Variants in RAMP1 observed in about 807,000 individuals in gnomAD.
RAMP1 encodes receptor activity modifying protein 1, also known as receptor activity-modifying protein 1.
In RAMP1, 7 loss-of-function variants were observed where a neutral mutation model predicts 8.2. That is an observed-to-expected ratio of 0.85 (90% CI 0.49 to 1.60). The LOEUF is 1.60. Among genes scored for constraint, RAMP1 ranks in the 40% most tolerant of loss-of-function variants. The pLI is 0.00. For synonymous variants in RAMP1, 92 were observed against 84.7 expected, an observed-to-expected ratio of 1.09 and a Z score of -0.47; for missense variants, 192 against 202.4, an observed-to-expected ratio of 0.95 and a Z score of 0.31.
chr2:237,873,648 C>T (rs2062269578), intron 1 of RAMP1, among the ~76,000 whole-genome samples: 1 of 152,218 alleles, frequency 6.6e-6, no homozygotes, highest in African/African-American at 2.4e-5. Context: ...GTCTACCCAG[C>T]AACCTCTGCA....
At chr2:237,884,891 C>T (rs1232881382) in intron 2 of RAMP1, among the ~76,000 whole-genome samples, 11 of 152,254 alleles carry the variant, frequency 7.2e-5, no homozygotes, top group Admixed American at 7.2e-4. Context: ...GCCCAAGGAG[C>T]TGCTCAGAGG....
intron 1 of RAMP1, chr2:237,874,831 G>T (rs897973242): frequency 2.0e-6 from 1 of 508,756 alleles, no homozygotes; most frequent in African/African-American, 2.1e-5. Flanking sequence ...AAAAGAAAGA[G>T]ACCCTCCACC....
At chr2:237,890,294 T>G (rs1468737528) in intron 2 of RAMP1, among the ~76,000 whole-genome samples, 1 of 151,884 alleles carries the variant, frequency 6.6e-6, no homozygotes, top group East Asian at 1.9e-4. Context: ...CTCCACCTCC[T>G]GGGTTCAAGT....
chr2:237,885,960 C>A (rs1319391689), intron 2 of RAMP1, among the ~76,000 whole-genome samples: 1 of 152,332 alleles, frequency 6.6e-6, no homozygotes, highest in Middle Eastern at 3.4e-3. Context: ...GGAGCCGGGT[C>A]CTCGAAGACT....
intron 2 of RAMP1, among the ~76,000 whole-genome samples, chr2:237,902,968 C>T (rs138999759): frequency 5.9e-5 from 9 of 152,282 alleles, no homozygotes; most frequent in South Asian, 4.1e-4. Flanking sequence ...ACCATTTTAC[C>T]CCAATCCAGG....
chr2:237,908,488 ATGAT>A (rs1234359872), intron 2 of RAMP1, among the ~76,000 whole-genome samples: 1 of 151,830 alleles, frequency 6.6e-6, no homozygotes, highest in Non-Finnish European at 1.5e-5. Context: ...GTGCAGTGGC[ATGAT>A]CTCGGCATGA....
chr2:237,860,460 GC>G (rs2062121686), intron 1 of RAMP1, among the ~76,000 whole-genome samples: 1 of 152,190 alleles, frequency 6.6e-6, no homozygotes, highest in Non-Finnish European at 1.5e-5. Context: ...ATTAGCGGCA[GC>G]CTCATGGCCA....
At chr2:237,892,599 T>G (rs1195173506) in intron 2 of RAMP1, among the ~76,000 whole-genome samples, 1 of 152,212 alleles carries the variant, frequency 6.6e-6, no homozygotes, top group African/African-American at 2.4e-5. Flanking sequence ...ATTGGCAAGC[T>G]GTTTTTCATT....
At chr2:237,876,333 G>A (rs1156421949) in intron 1 of RAMP1, among the ~76,000 whole-genome samples, 1 of 152,214 alleles carries the variant, frequency 6.6e-6, no homozygotes, top group Non-Finnish European at 1.5e-5. Flanking sequence ...CCAGGCGGTG[G>A]GCTGCAGGGG....
At chr2:237,881,221 T>C in intron 2 of RAMP1, among the ~76,000 whole-genome samples, 1 of 152,212 alleles carries the variant, frequency 6.6e-6, no homozygotes, top group Non-Finnish European at 1.5e-5. Context: ...TGGAACTCTC[T>C]CCTTGTCAGT....
chr2:237,864,391 A>G (rs1169042156), intron 1 of RAMP1, among the ~76,000 whole-genome samples: 1 of 152,216 alleles, frequency 6.6e-6, no homozygotes, highest in Non-Finnish European at 1.5e-5. Flanking sequence ...CCTAGAAAGC[A>G]TTGCCTCTTC....
chr2:237,870,296 C>T (rs1001590518), intron 1 of RAMP1, among the ~76,000 whole-genome samples: 4 of 152,226 alleles, frequency 2.6e-5, no homozygotes, highest in African/African-American at 9.6e-5. Context: ...GGCCATTTCC[C>T]GTCCTGTGCA....
At position 237,905,293 on chromosome 2, in the gene RAMP1, G is replaced by A. The variant is rs937940280; in HGVS notation, c.192-6235G>A. Among the ~76,000 whole-genome samples the A allele has an allele frequency of 2.6e-5, 4 of 152,184 alleles. No individual in the cohort carries two copies. In the South Asian group the frequency reaches 6.2e-4, roughly 24 times the overall value. On this transcript the variant is annotated intron_variant, in intron 2 of 2. Coordinates refer to ENST00000254661, the MANE Select transcript of RAMP1 (RefSeq NM_005855.4). ...ATTCTTTTATCACATCCTCACTGAC[G>A]GAGCTCACAACATTTATTGAAAGTT...
At chr2:237,894,905 T>A (rs1264682054) in intron 2 of RAMP1, among the ~76,000 whole-genome samples, 2 of 152,198 alleles carry the variant, frequency 1.3e-5, no homozygotes, top group Admixed American at 1.3e-4. Flanking sequence ...GGCCTGTTCC[T>A]ACTCCTATCT....
intron 2 of RAMP1, among the ~76,000 whole-genome samples, chr2:237,909,000 T>A (rs1476328792): frequency 2.0e-5 from 3 of 151,300 alleles, no homozygotes; most frequent in African/African-American, 7.3e-5. Flanking sequence ...ACAGCAAGCC[T>A]GGCATCACAC....
At chr2:237,869,013 C>T (rs1028859955) in intron 1 of RAMP1, among the ~76,000 whole-genome samples, 3 of 152,042 alleles carry the variant, frequency 2.0e-5, no homozygotes, top group East Asian at 1.9e-4. Context: ...AGGAGTGTGG[C>T]GTTTTTATGT....
chr2:237,908,504 C>T (rs187057056), intron 2 of RAMP1, among the ~76,000 whole-genome samples: 2 of 152,122 alleles, frequency 1.3e-5, no homozygotes, highest in East Asian at 3.9e-4. Flanking sequence ...TCGGCATGAT[C>T]TCGGCTCACT....
At chr2:237,888,732 C>T (rs943833933) in intron 2 of RAMP1, among the ~76,000 whole-genome samples, 3 of 152,054 alleles carry the variant, frequency 2.0e-5, no homozygotes, top group Non-Finnish European at 2.9e-5. Context: ...TTCCCATATG[C>T]CCATTGGAGG....
In RAMP1 at chr2:237,890,853, G is replaced by T. The variant is rs570113889; in HGVS notation, c.191+13491G>T. Among the ~76,000 whole-genome samples the T allele has an allele frequency of 3.1e-4, 47 of 152,250 alleles. 2 individuals carry two copies. Among genetic ancestry groups the T allele is most frequent in the African/African-American group, 1.1e-3 (47 of 41,550 alleles). ...TTTCATTCATCAAAAGGAACTGAGA[G>T]GCCACTGTTTAATGAACCGCACATG... On this transcript the variant is annotated intron_variant, in intron 2 of 2. Transcript: ENST00000254661.
Sources: allele counts gnomAD v4.1 joint callset (sites outside exome capture counted in the v4.1 genomes callset), GRCh38; gene constraint gnomAD v4.1.1; transcripts MANE v1.5; gene names NCBI Gene and HGNC (gene_info 2026-07-23, HGNC 2026-07-21).